Variants in MDH1B observed in about 807,000 individuals in gnomAD.
The protein encoded by MDH1B is putative malate dehydrogenase 1B.
MDH1B carries 60 observed loss-of-function variants against 61.4 expected under a neutral mutation model. The observed-to-expected ratio is 0.98, with a 90% CI of 0.79 to 1.21. The LOEUF (loss-of-function observed/expected upper bound fraction) is 1.21, where lower values mean the gene tolerates loss of function less well. MDH1B is among the 50% of genes most tolerant of loss of function. The pLI is 0.00. For missense variants in MDH1B, 587 were observed against 632.1 expected, an observed-to-expected ratio of 0.93 and a Z score of 0.76; for synonymous variants, 236 against 218.7, an observed-to-expected ratio of 1.08 and a Z score of -0.70.
At chr2:206,757,153 A>T in intron 3 of MDH1B, 84 bp downstream of exon 3, 1 of 1,505,142 alleles carries the variant, frequency 6.6e-7, no homozygotes, top group East Asian at 2.3e-5. Flanking sequence ...GACATGAGAG[A>T]ATGTCTCAGA....
At chr2:206,750,879 C>G (rs1019952844) in intron 6 of MDH1B, 55 bp downstream of exon 6, 1 of 1,391,694 alleles carries the variant, frequency 7.2e-7, no homozygotes, top group Non-Finnish European at 9.7e-7. Context: ...AGATTACAAC[C>G]ATTAAACATT....
chr2:206,740,661 A>G (rs1421107309), intron 10 of MDH1B, among the ~76,000 whole-genome samples: 3 of 152,172 alleles, frequency 2.0e-5, no homozygotes, highest in Admixed American at 2.0e-4. Context: ...TTTCCCTGTT[A>G]AGGAGAATTC....
chr2:206,743,912 C>T (rs1687948363), intron 9 of MDH1B, among the ~76,000 whole-genome samples: 1 of 152,198 alleles, frequency 6.6e-6, no homozygotes, highest in South Asian at 2.1e-4. Flanking sequence ...CAAATTTCTA[C>T]TGCCTCTGGT....
At chr2:206,748,908 A>G in intron 7 of MDH1B, 112 bp downstream of exon 7, 1 of 819,612 alleles carries the variant, frequency 1.2e-6, no homozygotes, top group Non-Finnish European at 1.9e-6. Context: ...GTAAAAGTCC[A>G]GGCAGCTAAT....
Position 206,755,289 on chromosome 2 carries a change from G to A in MDH1B, c.630C>T (p.Val210=), listed in dbSNP as rs368379938. 249 of 1,614,094 alleles carry A rather than the reference G, an allele frequency of 1.5e-4. No homozygotes were observed. Among genetic ancestry groups the A allele is most frequent in the Non-Finnish European group, 2.0e-4 (241 of 1,180,046 alleles). ...KVEEAFRQAH[V]IVVLDDSTNK... is the part of the protein sequence containing the mutation. ...TGGTGCTGTCATCCAGCACCACAATGACGTGGGCCTGGCGGAAGGCCTCCT... is the reference window on the plus strand; with the variant it reads ...TGGTGCTGTCATCCAGCACCACAATAACGTGGGCCTGGCGGAAGGCCTCCT... The change falls in exon 5 of 12, where the codon GTC becomes GTT. Residue 210 remains valine, a synonymous_variant. Coordinates refer to ENST00000374412, the MANE Select transcript of MDH1B (RefSeq NM_001039845.3).
In MDH1B at chr2:206,750,998, A is replaced by G. The variant is rs377748700; in HGVS notation, c.988T>C (p.Tyr330His). Reference protein sequence around the residue: ...VDLRKTRVYRYESAIWGPLHY... With the variant: ...VDLRKTRVYRHESAIWGPLHY... ...AGAGGTCCCCAAATGGCACTCTCATATCTGTACACCCTTGTTTTTCTCAGA... is the reference window on the plus strand; with the variant it reads ...AGAGGTCCCCAAATGGCACTCTCATGTCTGTACACCCTTGTTTTTCTCAGA... The change falls in exon 6 of 12, where the codon TAT becomes CAT. Residue 330 changes from tyrosine to histidine, a missense_variant. Tyr to His is a moderately conservative substitution (Grantham distance 83, BLOSUM62 2). Transcript: ENST00000374412. The G allele has an allele frequency of 1.9e-6, 3 of 1,611,910 alleles. No homozygotes were observed. The African/African-American group carries it at 4.0e-5, about 22-fold the overall frequency.
At chr2:206,747,243 T>C in intron 7 of MDH1B, among the ~76,000 whole-genome samples, 1 of 152,152 alleles carries the variant, frequency 6.6e-6, no homozygotes, top group East Asian at 1.9e-4. Context: ...TTAGAGGGCT[T>C]CCCAGGTCCT....
At chr2:206,762,860 C>T (rs1689182500) in intron 1 of MDH1B, among the ~76,000 whole-genome samples, 1 of 152,188 alleles carries the variant, frequency 6.6e-6, no homozygotes, top group East Asian at 1.9e-4. Flanking sequence ...ATAGTGGGGG[C>T]ATTCTCCCAG....
chr2:206,755,564 T>G (rs1325766697), intron 4 of MDH1B, 59 bp from the exon 5 acceptor site: 3 of 1,528,770 alleles, frequency 2.0e-6, no homozygotes, highest in East Asian at 4.5e-5. Context: ...TTTTAAGCCT[T>G]TATTCTTAAT....
intron 2 of MDH1B, among the ~76,000 whole-genome samples, chr2:206,758,206 A>G (rs1688872532): frequency 6.6e-6 from 1 of 152,192 alleles, no homozygotes; most frequent in African/African-American, 2.4e-5. Context: ...GCACCCTGCA[A>G]AGCATGTTAA....
chr2:206,757,845 C>A (rs543765423), intron 2 of MDH1B, among the ~76,000 whole-genome samples: 3 of 152,088 alleles, frequency 2.0e-5, no homozygotes, highest in Non-Finnish European at 4.4e-5. Context: ...TGGAGATTTC[C>A]GACAATATTT....
Position 206,755,351 on chromosome 2 carries a change from G to C in MDH1B, c.568C>G (p.Pro190Ala). The change falls in exon 5 of 12, where the codon CCC becomes GCC. Residue 190 changes from proline (P) to alanine (A), a missense_variant. By Grantham distance (27) the Pro-to-Ala change is conservative. Coordinates refer to ENST00000374412, the MANE Select transcript of MDH1B (RefSeq NM_001039845.3). The part of the protein sequence containing the change: ...LVVETQDLAS[P>A]VLRSVSICTK... ...CAGATGGAGACACTGCGCAGGACGG[G>C]AGATGCCAGGTCTTGGGTCTCCACC... 6.2e-7 allele frequency: 1 copy of C among 1,614,240 alleles called. No homozygotes were observed. The highest frequency in any genetic ancestry group is 1.1e-5 in the South Asian group (1 of 91,084).
chr2:206,744,907 A>G (rs1688011946), intron 9 of MDH1B, among the ~76,000 whole-genome samples: 1 of 151,964 alleles, frequency 6.6e-6, no homozygotes, highest in African/African-American at 2.4e-5. Flanking sequence ...TCTGGGCAAC[A>G]GAGCAAGACT....
chr2:206,745,481 CT>C (rs1688051580), intron 9 of MDH1B, 140 bp downstream of exon 9: 6 of 692,544 alleles, frequency 8.7e-6, no homozygotes, highest in Non-Finnish European at 1.5e-5. Flanking sequence ...ACACATTGAA[CT>C]TAACAGTTTA....
intron 11 of MDH1B, among the ~76,000 whole-genome samples, chr2:206,739,232 T>C (rs984094451): frequency 7.2e-5 from 11 of 151,976 alleles, no homozygotes; most frequent in Admixed American, 1.3e-4. Context: ...CTGGGAAACA[T>C]TGTGAGACCC....
intron 5 of MDH1B, among the ~76,000 whole-genome samples, chr2:206,751,954 A>T (rs1005428519): frequency 6.6e-6 from 1 of 152,206 alleles, no homozygotes; most frequent in African/African-American, 2.4e-5. Context: ...CTTCTCCTGT[A>T]TAAGATTGCT....
intron 5 of MDH1B, among the ~76,000 whole-genome samples, chr2:206,753,553 A>G (rs1688576380): frequency 6.6e-6 from 1 of 152,166 alleles, no homozygotes; most frequent in African/African-American, 2.4e-5. Flanking sequence ...AGGGGTTATC[A>G]TGAATCTTGC....
Position 206,751,049 on chromosome 2 carries a change from T to A in MDH1B, c.937A>T (p.Asn313Tyr). 1 of 1,602,862 alleles carries A rather than the reference T, an allele frequency of 6.2e-7. No homozygotes were observed. Among genetic ancestry groups the A allele is most frequent in the Non-Finnish European group, 8.5e-7 (1 of 1,172,206 alleles). ...TCAACGTAATTATTTCCACTGATAT[T>A]ACCCCAAATGATCACGTCTTTAATG... Reference protein sequence around the residue: ...SYIKDVIIWGNISGNNYVDLR... With the variant: ...SYIKDVIIWGYISGNNYVDLR... The change falls in exon 6 of 12, where the codon AAT (asparagine) becomes TAT (tyrosine). Residue 313 changes from asparagine to tyrosine, a missense_variant. Coordinates refer to ENST00000374412, the MANE Select transcript of MDH1B (RefSeq NM_001039845.3).
chr2:206,739,311 G>A (rs1343761407), intron 11 of MDH1B, among the ~76,000 whole-genome samples: 2 of 152,090 alleles, frequency 1.3e-5, no homozygotes, highest in Admixed American at 6.6e-5. Flanking sequence ...AGCTACTTCA[G>A]GGGCTGAGTT....
Sources: gnomAD v4.1 joint callset for allele counts (sites outside exome capture counted in the v4.1 genomes callset) on GRCh38, gnomAD v4.1.1 for gene constraint, MANE v1.5 for transcripts, NCBI Gene and HGNC (gene_info 2026-07-23, HGNC 2026-07-21) for gene names.